ZNF618: variants seen among roughly 807,000 people sequenced by gnomAD.
The protein encoded by ZNF618 is neural precursor cell expressed, developmentally down-regulated 10.
A neutral mutation model predicts 103.0 loss-of-function variants in ZNF618; 34 were observed. The observed-to-expected ratio is 0.33, with a 90% CI of 0.25 to 0.44. ZNF618 has a LOEUF of 0.44. Ranked by LOEUF, ZNF618 falls within the 20% of genes least tolerant of loss-of-function variation. ZNF618 has a pLI of 1.00. For missense variants in ZNF618, 1,059 were observed against 1,295.4 expected, an observed-to-expected ratio of 0.82 and a Z score of 2.80; for synonymous variants, 551 against 542.2, an observed-to-expected ratio of 1.02 and a Z score of -0.23.
chr9:114,040,408 A>G (rs2134442892), intron 13 of ZNF618, among the ~76,000 whole-genome samples: 1 of 151,428 alleles, frequency 6.6e-6, no homozygotes, highest in Middle Eastern at 3.4e-3. Context: ...TTACATATGT[A>G]TACATGTGCC....
At position 113,956,209 on chromosome 9, in the gene ZNF618, C is replaced by CAA. The variant is rs10537910; in HGVS notation, c.34-12879_34-12878dup. Among the ~76,000 whole-genome samples, 409 of 44,586 alleles carry CAA rather than the reference C, an allele frequency of 9.2e-3. 37 individuals are homozygous for CAA. The highest frequency in any genetic ancestry group is 0.017 in the African/African-American group (171 of 10,006). The allele number at this position is 44,586 out of a possible 152,430, so 29.3% of individuals were successfully genotyped here. A position where few individuals can be genotyped will look rare whatever the true frequency, so the allele number is the denominator to read the frequency against. Reference sequence around the variant, plus strand: ...GGGCAACGAGAGTTAAACTCTGTCTCAAAAAAAAAAAAAAAAAAAAAAAAA... The same window carrying CAA: ...GGGCAACGAGAGTTAAACTCTGTCTCAAAAAAAAAAAAAAAAAAAAAAAAAAA... On this transcript the variant is annotated intron_variant, in intron 1 of 14. Transcript: ENST00000374126.
In ZNF618 at chr9:113,914,608, A is replaced by G. The variant is rs368834092; in HGVS notation, c.33+38195A>G. 1.2e-4 allele frequency among the ~76,000 whole-genome samples: 19 copies of G among 152,338 alleles called. No individual in the cohort carries two copies. In the East Asian group the frequency reaches 2.7e-3, roughly 22 times the overall value. On this transcript the variant is annotated intron_variant, in intron 1 of 14. Transcript: ENST00000374126. ...GAAGATCTTCAGGGGAAGAGCTCTA[A>G]GGTGTGTAAGGAATCATTCTATTTT...
Position 113,988,335 on chromosome 9 carries a change from G to A in ZNF618, c.92G>A (p.Arg31His), listed in dbSNP as rs773491376. 58 of 1,612,066 alleles carry A rather than the reference G, an allele frequency of 3.6e-5. No individual in the cohort carries two copies. The highest frequency in any genetic ancestry group is 3.1e-4 in the South Asian group (28 of 91,048). Residue 31 changes from arginine (R) to histidine (H), a missense_variant, in exon 3 of 15, where the codon CGC becomes CAC. Physicochemically the swap from Arg to His is conservative, Grantham distance 29 (BLOSUM62 0). Coordinates refer to ENST00000374126, the MANE Select transcript of ZNF618 (RefSeq NM_001318042.2). Reference sequence around the variant, plus strand: ...TTCTTTCCCAGGGAGCGCTTGAAGCGCAGCCAGAAGAGCACCAAGGTGGAG... The same window carrying A: ...TTCTTTCCCAGGGAGCGCTTGAAGCACAGCCAGAAGAGCACCAAGGTGGAG... The part of the protein sequence containing the change: ...KSTASRERLK[R>H]SQKSTKVEGP...
intron 13 of ZNF618, among the ~76,000 whole-genome samples, chr9:114,044,273 A>G (rs1026092874): frequency 1.3e-5 from 2 of 152,074 alleles, no homozygotes; most frequent in African/African-American, 2.4e-5. Flanking sequence ...TGGCTAGCCA[A>G]TTATCCCGCA....
intron 1 of ZNF618, among the ~76,000 whole-genome samples, chr9:113,964,238 C>G (rs901937934): frequency 3.5e-4 from 53 of 152,112 alleles, no homozygotes; most frequent in African/African-American, 1.3e-3. Flanking sequence ...GCCTCAGGCT[C>G]GGTTCTCTTA....
intron 1 of ZNF618, among the ~76,000 whole-genome samples, chr9:113,936,275 G>C (rs1315727133): frequency 1.3e-5 from 2 of 152,186 alleles, no homozygotes; most frequent in Admixed American, 1.3e-4. Flanking sequence ...CCCAGAATCT[G>C]AGCCTGTTAC....
At chr9:113,986,961 G>C (rs1421097429) in intron 2 of ZNF618, among the ~76,000 whole-genome samples, 2 of 152,186 alleles carry the variant, frequency 1.3e-5, no homozygotes, top group African/African-American at 4.8e-5. Context: ...CATTGTAGAT[G>C]GAGGACTGGA....
intron 1 of ZNF618, among the ~76,000 whole-genome samples, chr9:113,944,170 A>C (rs1160161628): frequency 6.6e-6 from 1 of 152,172 alleles, no homozygotes; most frequent in Non-Finnish European, 1.5e-5. Context: ...GGCCAGATAA[A>C]TACACTCTTG....
At chr9:114,036,688 C>T (rs1198078471) in intron 13 of ZNF618, among the ~76,000 whole-genome samples, 1 of 152,202 alleles carries the variant, frequency 6.6e-6, no homozygotes, top group Non-Finnish European at 1.5e-5. Flanking sequence ...AGGAGCTAGC[C>T]TGGAAGCGAA....
intron 1 of ZNF618, among the ~76,000 whole-genome samples, chr9:113,906,076 G>C (rs2131345128): frequency 6.6e-6 from 1 of 152,244 alleles, no homozygotes; most frequent in South Asian, 2.1e-4. Flanking sequence ...ACTCCGTCAT[G>C]ACTAGAAGCC....
intron 10 of ZNF618, among the ~76,000 whole-genome samples, chr9:114,025,135 G>A (rs956694427): frequency 2.6e-5 from 4 of 152,202 alleles, no homozygotes; most frequent in Non-Finnish European, 5.9e-5. Context: ...ATGGCCAGAA[G>A]TGTGAGTTCC....
At chr9:113,876,525 G>A in intron 1 of ZNF618, 112 bp downstream of exon 1, 1 of 886,678 alleles carries the variant, frequency 1.1e-6, no homozygotes, top group African/African-American at 1.8e-5. Flanking sequence ...GCCTGGGCAC[G>A]TTTGCGGGCT....
In ZNF618 at chr9:113,913,427, C is replaced by T. The variant is rs563035777; in HGVS notation, c.33+37014C>T. The stretch of plus-strand genomic sequence containing the variant: ...CCTGCAATGTGCAGCATTGGAGTCA[C>T]GGGAAAGAAAACACTAGCAATGTTC... On this transcript the variant is annotated intron_variant, in intron 1 of 14. Transcript: ENST00000374126. Among the ~76,000 whole-genome samples, 311 of 152,346 alleles carry T rather than the reference C, an allele frequency of 2.0e-3. 1 individual carries two copies. Among genetic ancestry groups the T allele is most frequent in the African/African-American group, 7.1e-3 (295 of 41,590 alleles).
intron 2 of ZNF618, among the ~76,000 whole-genome samples, chr9:113,982,928 G>A (rs921998124): frequency 2.0e-5 from 3 of 152,178 alleles, no homozygotes; most frequent in African/African-American, 7.2e-5. Flanking sequence ...CGGTGACCAC[G>A]GATAGCAGGT....
chr9:114,004,769 G>A (rs1420667459), intron 6 of ZNF618, among the ~76,000 whole-genome samples: 1 of 152,206 alleles, frequency 6.6e-6, no homozygotes, highest in Non-Finnish European at 1.5e-5. Flanking sequence ...CAACTGAGAA[G>A]ACTGAGTCCA....
At chr9:113,953,096 G>C (rs574124118) in intron 1 of ZNF618, among the ~76,000 whole-genome samples, 19 of 152,282 alleles carry the variant, frequency 1.2e-4, no homozygotes, top group African/African-American at 4.6e-4. Context: ...TATTAAAAAG[G>C]CAATCGGCTT....
chr9:114,041,434 T>A (rs1448648370), intron 13 of ZNF618, among the ~76,000 whole-genome samples: 1 of 152,240 alleles, frequency 6.6e-6, no homozygotes, highest in African/African-American at 2.4e-5. Flanking sequence ...ATTGCCTAGG[T>A]TTCCTTCTAG....
chr9:114,003,800 G>C (rs2133708368), intron 6 of ZNF618, among the ~76,000 whole-genome samples: 1 of 152,306 alleles, frequency 6.6e-6, no homozygotes, highest in East Asian at 1.9e-4. Context: ...TTTGTACACT[G>C]TTCTACACCA....
rs534467257 is a variant in ZNF618 at position 113,920,504 on chromosome 9, C to T, written c.33+44091C>T. Among the ~76,000 whole-genome samples the T allele has an allele frequency of 1.5e-4, 23 of 151,456 alleles. No homozygotes were observed. In the South Asian group the frequency reaches 2.9e-3, roughly 19 times the overall value. ...GGAACTTCCACCTTCTAGGTTCAAG[C>T]GATTGTCCTGCCTCGGCCTCCCACG... On this transcript the variant is annotated intron_variant, in intron 1 of 14. Coordinates refer to ENST00000374126, the MANE Select transcript of ZNF618 (RefSeq NM_001318042.2).
Sources: gnomAD v4.1 joint callset for allele counts (sites outside exome capture counted in the v4.1 genomes callset) on GRCh38, gnomAD v4.1.1 for gene constraint, MANE v1.5 for transcripts, NCBI Gene and HGNC (gene_info 2026-07-23, HGNC 2026-07-21) for gene names.